Variants in PRKG1 observed in about 807,000 individuals in gnomAD.
The protein encoded by PRKG1 is protein kinase cGMP-dependent 1, also known as cGMP-dependent protein kinase 1.
Under a neutral mutation model 88.1 loss-of-function variants are expected in PRKG1, and 35 were observed. That is an observed-to-expected ratio of 0.40 (90% confidence interval 0.30 to 0.53). PRKG1 has a LOEUF of 0.53. PRKG1 is among the 20% of genes least tolerant of loss of function. The pLI, the probability that PRKG1 is intolerant of heterozygous loss-of-function variation, is 0.59. For synonymous variants in PRKG1, 303 were observed against 292.5 expected (o/e 1.04, Z -0.37); for missense variants, 540 against 839.8 (o/e 0.64, Z 4.41).
intron 4 of PRKG1, among the ~76,000 whole-genome samples, chr10:51,862,308 T>G (rs1299549615): frequency 1.3e-5 from 2 of 152,074 alleles, no homozygotes; most frequent in East Asian, 3.9e-4. Flanking sequence ...CCCAGCAGCT[T>G]TTTCTCCCCT....
At chr10:51,627,932 T>TC (rs1839386933) in intron 3 of PRKG1, among the ~76,000 whole-genome samples, 2 of 33,094 alleles carry the variant, frequency 6.0e-5, no homozygotes, top group Non-Finnish European at 7.9e-5. Context: ...CTTCCTTTCT[T>TC]CCTTCCTTCC....
chr10:51,219,676 C>A (rs1838474800), intron 2 of PRKG1, among the ~76,000 whole-genome samples: 1 of 151,190 alleles, frequency 6.6e-6, no homozygotes, highest in Non-Finnish European at 1.5e-5. Context: ...CACCACTGCA[C>A]TAAAGCCTGG....
In PRKG1 at chr10:51,669,396, T is replaced by C. The variant is rs200254425; in HGVS notation, c.593-135189T>C. Among the ~76,000 whole-genome samples, 11 of 152,282 alleles carry C rather than the reference T, an allele frequency of 7.2e-5. No homozygotes were observed. In the East Asian group the frequency reaches 1.9e-3, roughly 27 times the overall value. On this transcript the variant is annotated intron_variant, in intron 3 of 17. Coordinates refer to ENST00000373980, the MANE Select transcript of PRKG1 (RefSeq NM_006258.4). ...CCATTCTAATGACCTAATTTAACCT[T>C]ATCCTTTCCTTAAAGGCTGTATCTC...
intron 9 of PRKG1, among the ~76,000 whole-genome samples, chr10:52,166,819 G>GTATA (rs370403466): frequency 0.03 from 1,676 of 55,194 alleles, 84 homozygotes; most frequent in South Asian, 0.089. Context: ...GTATATATAT[G>GTATA]TATATATATG....
chr10:51,707,611 G>A (rs183018154), intron 3 of PRKG1, among the ~76,000 whole-genome samples: 60 of 151,400 alleles, frequency 4.0e-4, no homozygotes, highest in Non-Finnish European at 7.5e-4. Flanking sequence ...TCCTGTGACC[G>A]GAACAATACA....
intron 4 of PRKG1, among the ~76,000 whole-genome samples, chr10:51,883,114 C>A (rs929701471): frequency 1.3e-5 from 2 of 152,192 alleles, no homozygotes; most frequent in African/African-American, 4.8e-5. Context: ...AAAGGGCAAA[C>A]TGTCTCTTCC....
At chr10:51,095,546 C>T (rs1844507109) in intron 1 of PRKG1, among the ~76,000 whole-genome samples, 1 of 152,122 alleles carries the variant, frequency 6.6e-6, no homozygotes, top group Non-Finnish European at 1.5e-5. Context: ...TTGCCTTATT[C>T]ACTTAGGAAA....
intron 9 of PRKG1, among the ~76,000 whole-genome samples, chr10:52,173,358 A>T (rs907024041): frequency 6.6e-6 from 1 of 152,198 alleles, no homozygotes; most frequent in Non-Finnish European, 1.5e-5. Context: ...TTTAGATATG[A>T]TAATAAGCCC....
intron 14 of PRKG1, among the ~76,000 whole-genome samples, chr10:52,285,069 A>C (rs1842085679): frequency 6.6e-6 from 1 of 151,974 alleles, no homozygotes. Flanking sequence ...CAATCTAAGG[A>C]TAAGTAATGG....
chr10:51,165,449 A>C (rs1564624058), intron 2 of PRKG1, among the ~76,000 whole-genome samples: 1 of 152,212 alleles, frequency 6.6e-6, no homozygotes, highest in Non-Finnish European at 1.5e-5. Context: ...AAATCATGCC[A>C]AATTGTAAAG....
At chr10:51,229,944 A>AG (rs1359913585) in intron 2 of PRKG1, among the ~76,000 whole-genome samples, 20 of 148,866 alleles carry the variant, frequency 1.3e-4, no homozygotes, top group African/African-American at 4.7e-4. Context: ...AAAAAAAAAA[A>AG]AAAAGAAAAA....
intron 9 of PRKG1, among the ~76,000 whole-genome samples, chr10:52,164,420 T>C (rs1020945442): frequency 3.3e-5 from 5 of 151,998 alleles, no homozygotes; most frequent in African/African-American, 9.7e-5. Flanking sequence ...ACTAGAAATA[T>C]ACCTTAGTGC....
chr10:51,232,765 A>G (rs1838879555), intron 2 of PRKG1, among the ~76,000 whole-genome samples: 1 of 152,162 alleles, frequency 6.6e-6, no homozygotes, highest in African/African-American at 2.4e-5. Context: ...TGTGCTAGAC[A>G]CGTTTCTTTG....
chr10:51,586,305 A>G (rs1838171605), intron 3 of PRKG1, among the ~76,000 whole-genome samples: 1 of 152,158 alleles, frequency 6.6e-6, no homozygotes, highest in Admixed American at 6.6e-5. Flanking sequence ...CAATTAGACT[A>G]AAAATGATGG....
chr10:51,433,338 T>C (rs1838824070), intron 2 of PRKG1, among the ~76,000 whole-genome samples: 2 of 152,130 alleles, frequency 1.3e-5, no homozygotes, highest in Admixed American at 6.6e-5. Flanking sequence ...TAAAATCAGA[T>C]GAAACATGCT....
intron 2 of PRKG1, among the ~76,000 whole-genome samples, chr10:51,425,567 C>T (rs962674811): frequency 2.9e-4 from 44 of 152,154 alleles, no homozygotes; most frequent in African/African-American, 1.0e-3. Flanking sequence ...TGCCTCCACC[C>T]CTTTCGGAAG....
At chr10:51,508,493 A>C (rs551060436) in intron 3 of PRKG1, among the ~76,000 whole-genome samples, 1 of 152,182 alleles carries the variant, frequency 6.6e-6, no homozygotes, top group Non-Finnish European at 1.5e-5. Context: ...ATATAAAATT[A>C]GCAGATTGCC....
intron 3 of PRKG1, among the ~76,000 whole-genome samples, chr10:51,780,682 T>G (rs1274706393): frequency 6.6e-6 from 1 of 152,188 alleles, no homozygotes. Flanking sequence ...TTTGTTAGAC[T>G]TGTTTTTACT....
intron 2 of PRKG1, among the ~76,000 whole-genome samples, chr10:51,239,012 T>G (rs1048762456): frequency 6.6e-6 from 1 of 152,116 alleles, no homozygotes; most frequent in African/African-American, 2.4e-5. Flanking sequence ...GATAAAAATC[T>G]AATTAAAGAA....
Sources: allele counts gnomAD v4.1 joint callset (sites outside exome capture counted in the v4.1 genomes callset), GRCh38; gene constraint gnomAD v4.1.1; transcripts MANE v1.5; gene names NCBI Gene and HGNC (gene_info 2026-07-23, HGNC 2026-07-21).